The following MMP16 variants were observed in gnomAD, a reference collection of about 807,000 sequenced individuals.
The protein encoded by MMP16 is matrix metalloproteinase-16.
Under a neutral mutation model 67.8 loss-of-function variants are expected in MMP16, and 12 were observed. That is an observed-to-expected ratio of 0.18 (90% CI 0.11 to 0.29). The LOEUF is 0.29. Ranked by LOEUF, MMP16 falls within the 10% of genes least tolerant of loss-of-function variation. The probability of loss-of-function intolerance (pLI) is 1.00; values close to 1 mark genes in which losing one functional copy is unlikely to be tolerated. For missense variants in MMP16, 475 were observed against 765.7 expected (o/e 0.62, Z 4.48); for synonymous variants, 249 against 255.9 (o/e 0.97, Z 0.26).
chr8:88,314,248 T>C (rs995109797), intron 1 of MMP16, among the ~76,000 whole-genome samples: 7 of 152,212 alleles, frequency 4.6e-5, no homozygotes, highest in African/African-American at 1.7e-4. Flanking sequence ...AATTTCAATA[T>C]ATCTTCCATA....
intron 1 of MMP16, among the ~76,000 whole-genome samples, chr8:88,228,729 C>G (rs1809810152): frequency 6.6e-6 from 1 of 152,034 alleles, no homozygotes; most frequent in African/African-American, 2.4e-5. Flanking sequence ...CCCCTTTGCT[C>G]ACAAATACAG....
rs779096285 is a variant in MMP16 at position 88,041,506 on chromosome 8, G to T, written c.1779C>A (p.Pro593=). 2 of 1,613,024 alleles carry T rather than the reference G, an allele frequency of 1.2e-6. No individual in the cohort carries two copies. Among genetic ancestry groups the T allele is most frequent in the East Asian group, 4.5e-5 (2 of 44,882 alleles). ...AGCGTTTACAGTACAGTATGTGGCG[G>T]GGTGTTCCTTTCCTCTTGAACTGGA... The part of the protein sequence containing the change: ...TVFQFKRKGT[P]RHILYCKRSM... Residue 593 remains proline, a synonymous_variant, in exon 10 of 10, where the codon CCC becomes CCA. Transcript: ENST00000286614. The surrounding 1 kb of genome is among the most constrained non-coding windows in gnomAD (Gnocchi z 6.0).
In MMP16 at chr8:88,169,706, T is replaced by C. The variant is rs756955108; in HGVS notation, c.405-1733A>G. Among the ~76,000 whole-genome samples the C allele has an allele frequency of 2.6e-5, 4 of 152,192 alleles. No individual in the cohort carries two copies. In the East Asian group the frequency reaches 5.8e-4, roughly 22 times the overall value. On this transcript the variant is annotated intron_variant, in intron 3 of 9. Transcript: ENST00000286614. ...AAGAAGAAATGGCAAGTGAAAGGCATTGAAGTGAAGATATTCTTGGCAGGT... is the reference window on the plus strand; with the variant it reads ...AAGAAGAAATGGCAAGTGAAAGGCACTGAAGTGAAGATATTCTTGGCAGGT...
chr8:88,198,722 C>G lies in MMP16; in HGVS notation c.133-1416G>C, dbSNP rs1309321157. 3.3e-5 allele frequency among the ~76,000 whole-genome samples: 5 copies of G among 151,622 alleles called. No homozygotes were observed. In the East Asian group the frequency reaches 7.8e-4, roughly 24 times the overall value. On this transcript the variant is annotated intron_variant, in intron 1 of 9. Coordinates refer to ENST00000286614, the MANE Select transcript of MMP16 (RefSeq NM_005941.5). ...TCCCCTTGAAAATAAAAAAAAAACC[C>G]AAAATTTATTCTAAAACCATTTAAG... is the stretch of plus-strand genomic sequence containing the variant.
chr8:88,186,913 A>G (rs905391238), intron 2 of MMP16, among the ~76,000 whole-genome samples: 4 of 152,198 alleles, frequency 2.6e-5, no homozygotes, highest in Non-Finnish European at 5.9e-5. Flanking sequence ...TTTGCTGTTA[A>G]CAAGGTATAT....
intron 1 of MMP16, among the ~76,000 whole-genome samples, chr8:88,229,003 A>G (rs1311317594): frequency 4.1e-5 from 4 of 98,490 alleles, no homozygotes; most frequent in Non-Finnish European, 9.5e-5. Flanking sequence ...CTATGAAAAT[A>G]AAAAAAAAAA....
chr8:88,296,644 G>C (rs1002530567), intron 1 of MMP16, among the ~76,000 whole-genome samples: 1 of 151,854 alleles, frequency 6.6e-6, no homozygotes, highest in Non-Finnish European at 1.5e-5. Flanking sequence ...AACCAGGCTG[G>C]GAAACATGGC....
At position 88,164,021 on chromosome 8, in the gene MMP16, T is replaced by C. The variant is rs140682052; in HGVS notation, c.709+3648A>G. Among the ~76,000 whole-genome samples the C allele has an allele frequency of 7.8e-4, 118 of 152,174 alleles. 1 individual carries two copies. Among genetic ancestry groups the C allele is most frequent in the African/African-American group, 2.4e-3 (98 of 41,550 alleles). ...GTCTTTAGCTAGAATTTTCAAAAGGTATGACTATTAGCAAATTGATAGGAA... is the reference window on the plus strand; with the variant it reads ...GTCTTTAGCTAGAATTTTCAAAAGGCATGACTATTAGCAAATTGATAGGAA... On this transcript the variant is annotated intron_variant, in intron 4 of 9. Transcript: ENST00000286614.
chr8:88,250,094 T>C (rs1220719536), intron 1 of MMP16, among the ~76,000 whole-genome samples: 2 of 152,108 alleles, frequency 1.3e-5, no homozygotes, highest in African/African-American at 2.4e-5. Context: ...AAATATGTTC[T>C]AGCTGTAGAG....
chr8:88,134,269 C>T (rs1442522414), intron 4 of MMP16, among the ~76,000 whole-genome samples: 2 of 151,702 alleles, frequency 1.3e-5, no homozygotes, highest in African/African-American at 2.4e-5. Context: ...ATTAAAGACA[C>T]GTAGCTCTTA....
chr8:88,250,467 T>C (rs1326605963), intron 1 of MMP16, among the ~76,000 whole-genome samples: 2 of 152,072 alleles, frequency 1.3e-5, no homozygotes, highest in Non-Finnish European at 2.9e-5. Context: ...TTAAACCACT[T>C]AATCAAATAA....
chr8:88,224,432 T>A (rs1318962788), intron 1 of MMP16, among the ~76,000 whole-genome samples: 1 of 152,054 alleles, frequency 6.6e-6, no homozygotes, highest in African/African-American at 2.4e-5. Flanking sequence ...CCAGTATGCT[T>A]GTATTTATTG....
intron 4 of MMP16, among the ~76,000 whole-genome samples, chr8:88,153,624 C>T (rs1241166600): frequency 1.3e-5 from 2 of 151,164 alleles, no homozygotes. Context: ...GAAAGGATTC[C>T]CTATTTAATA....
chr8:88,191,810 TC>T (rs1208188743), intron 2 of MMP16, among the ~76,000 whole-genome samples: 8 of 152,228 alleles, frequency 5.3e-5, no homozygotes, highest in African/African-American at 1.9e-4. Flanking sequence ...TAGGTTACAG[TC>T]CTGGTACTGG....
At chr8:88,093,800 G>A (rs1412337335) in intron 6 of MMP16, among the ~76,000 whole-genome samples, 1 of 151,760 alleles carries the variant, frequency 6.6e-6, no homozygotes, top group Non-Finnish European at 1.5e-5. Context: ...GAGTGTCTGG[G>A]TTATGGTTGA....
At chr8:88,186,626 A>AG (rs767885891) in intron 2 of MMP16, 28 bp from the exon 3 acceptor site, 4 of 1,450,742 alleles carry the variant, frequency 2.8e-6, no homozygotes, top group Non-Finnish European at 3.7e-6. Flanking sequence ...AAAAAAAAAA[A>AG]GCAGTATTTT....
rs1371748980 is a variant in MMP16 at position 88,220,468 on chromosome 8, C to T, written c.133-23162G>A. On this transcript the variant is annotated intron_variant, in intron 1 of 9. Transcript: ENST00000286614. Reference sequence around the variant, plus strand: ...GTATCACTGACCATGTTCCCCAGTTCCCTTTGTGTCCTGTAAATTGGCAGA... The same window carrying T: ...GTATCACTGACCATGTTCCCCAGTTTCCTTTGTGTCCTGTAAATTGGCAGA... Among the ~76,000 whole-genome samples the T allele has an allele frequency of 2.0e-5, 3 of 151,984 alleles. No homozygotes were observed. In the East Asian group the frequency reaches 5.8e-4, roughly 29 times the overall value.
chr8:88,133,418 C>G (rs1041160032), intron 4 of MMP16, among the ~76,000 whole-genome samples: 1 of 151,806 alleles, frequency 6.6e-6, no homozygotes, highest in African/African-American at 2.4e-5. Context: ...TTTTCAATAA[C>G]CCTCCTCAGT....
chr8:88,061,170 A>C (rs112994218), intron 7 of MMP16, among the ~76,000 whole-genome samples: 34 of 138,684 alleles, frequency 2.5e-4, no homozygotes, highest in African/African-American at 5.8e-4. Flanking sequence ...ACACACACAC[A>C]CCCCTCATCC....
Sources: gnomAD v4.1 joint callset for allele counts (sites outside exome capture counted in the v4.1 genomes callset) on GRCh38, gnomAD v4.1.1 for gene constraint, Gnocchi (gnomAD v3.1) non-coding constraint, MANE v1.5 for transcripts, NCBI Gene and HGNC (gene_info 2026-07-23, HGNC 2026-07-21) for gene names.